DLC1: variants seen among roughly 807,000 people sequenced by gnomAD.
DLC1 encodes the protein rho GTPase-activating protein 7.
DLC1 carries 54 observed loss-of-function variants against 140.3 expected under a neutral mutation model. The ratio of observed to expected loss-of-function variants is 0.38; its 90% CI spans 0.31 to 0.48. DLC1 has a LOEUF of 0.48. Among genes scored for constraint, DLC1 ranks in the 20% least tolerant of loss-of-function variants. The probability of loss-of-function intolerance (pLI) is 0.96; values close to 1 mark genes in which losing one functional copy is unlikely to be tolerated. For missense variants in DLC1, 2,536 were observed against 1,907.0 expected, an observed-to-expected ratio of 1.33 and a Z score of -6.14; for synonymous variants, 986 against 728.1, an observed-to-expected ratio of 1.35 and a Z score of -5.70.
intron 4 of DLC1, among the ~76,000 whole-genome samples, chr8:13,308,915 T>A (rs1436295461): frequency 6.6e-6 from 1 of 152,214 alleles, no homozygotes; most frequent in Non-Finnish European, 1.5e-5. Context: ...GGTCCCATCA[T>A]GTCATATCTA....
intron 1 of DLC1, among the ~76,000 whole-genome samples, chr8:13,574,283 C>G (rs970221602): frequency 6.6e-6 from 1 of 152,092 alleles, no homozygotes; most frequent in South Asian, 2.1e-4. Flanking sequence ...AAATATATTT[C>G]TAGGCAATAC....
chr8:13,136,892 A>T (rs778232078), intron 5 of DLC1, among the ~76,000 whole-genome samples: 8 of 152,086 alleles, frequency 5.3e-5, no homozygotes, highest in Non-Finnish European at 1.2e-4. Context: ...GCTTCTCAAA[A>T]CTTCAGTTTC....
intron 2 of DLC1, among the ~76,000 whole-genome samples, chr8:13,459,085 A>C (rs532278314): frequency 1.1e-4 from 17 of 152,230 alleles, no homozygotes; most frequent in Non-Finnish European, 1.0e-4. Context: ...TTTTTAAATA[A>C]CCTAATGAAC....
At chr8:13,447,987 G>T (rs192922185) in intron 2 of DLC1, among the ~76,000 whole-genome samples, 18 of 152,242 alleles carry the variant, frequency 1.2e-4, no homozygotes, top group Admixed American at 3.3e-4. Flanking sequence ...TCTGTCCACA[G>T]TACAACAAAA....
At chr8:13,360,670 AT>A (rs368329471) in intron 4 of DLC1, among the ~76,000 whole-genome samples, 10,952 of 151,626 alleles carry the variant, frequency 0.072, 500 homozygotes, top group Non-Finnish European at 0.1. Context: ...GCATAGTGTG[AT>A]TTTTTTTTCT....
rs538389298 is a variant in DLC1 at position 13,247,993 on chromosome 8, C to A, written c.1348+57276G>T. ...TAGCTGTAGTTTTACAGCTTGAAACCATGCATCGGCTGTCTACAATGTTTA... is the reference window on the plus strand; with the variant it reads ...TAGCTGTAGTTTTACAGCTTGAAACAATGCATCGGCTGTCTACAATGTTTA... On this transcript the variant is annotated intron_variant, in intron 5 of 17. Transcript: ENST00000276297. 4.6e-5 allele frequency among the ~76,000 whole-genome samples: 7 copies of A among 152,264 alleles called. No individual in the cohort carries two copies. In the East Asian group the frequency reaches 1.3e-3, roughly 29 times the overall value.
chr8:13,391,377 G>T (rs544242068), intron 4 of DLC1, among the ~76,000 whole-genome samples: 1 of 152,032 alleles, frequency 6.6e-6, no homozygotes, highest in Non-Finnish European at 1.5e-5. Context: ...GATACTACTC[G>T]CATCCAATTT....
chr8:13,196,190 A>G (rs1585888702), intron 5 of DLC1, among the ~76,000 whole-genome samples: 1 of 152,160 alleles, frequency 6.6e-6, no homozygotes, highest in Non-Finnish European at 1.5e-5. Flanking sequence ...GAAGGAGAAT[A>G]GGACTGGAGA....
chr8:13,209,227 C>T (rs74986118), intron 5 of DLC1, among the ~76,000 whole-genome samples: 3 of 152,204 alleles, frequency 2.0e-5, no homozygotes, highest in Non-Finnish European at 4.4e-5. Context: ...GACTATCAAC[C>T]TATGTATCCT....
chr8:13,366,674 C>G (rs1024441181), intron 4 of DLC1, among the ~76,000 whole-genome samples: 1 of 152,086 alleles, frequency 6.6e-6, no homozygotes, highest in Non-Finnish European at 1.5e-5. Context: ...AGAAACTTCC[C>G]CTGACTAGGT....
At chr8:13,365,416 A>G (rs1398088188) in intron 4 of DLC1, among the ~76,000 whole-genome samples, 1 of 152,132 alleles carries the variant, frequency 6.6e-6, no homozygotes, top group Non-Finnish European at 1.5e-5. Context: ...ATTCACTTGC[A>G]GATACTATGA....
chr8:13,215,552 C>A (rs576838605), intron 5 of DLC1, among the ~76,000 whole-genome samples: 36 of 152,172 alleles, frequency 2.4e-4, no homozygotes, highest in African/African-American at 3.1e-4. Context: ...CGCCACTGCA[C>A]TCCAGCTTGG....
intron 2 of DLC1, among the ~76,000 whole-genome samples, chr8:13,465,851 A>G (rs1799908777): frequency 6.6e-6 from 1 of 152,090 alleles, no homozygotes; most frequent in Non-Finnish European, 1.5e-5. Context: ...GTGAGAACCA[A>G]TGTCCTGGTT....
At chr8:13,506,453 C>A (rs1367842206) in intron 1 of DLC1, among the ~76,000 whole-genome samples, 1 of 151,088 alleles carries the variant, frequency 6.6e-6, no homozygotes, top group African/African-American at 2.4e-5. Context: ...CTTCTGGTTT[C>A]CCTTAGAGTT....
chr8:13,118,519 C>T (rs1820767736), intron 5 of DLC1, among the ~76,000 whole-genome samples: 1 of 152,134 alleles, frequency 6.6e-6, no homozygotes, highest in Admixed American at 6.6e-5. Context: ...AAAACTTAGG[C>T]TGCATTCAAA....
In DLC1 at chr8:13,209,966, G is replaced by A. The variant is rs1827860473; in HGVS notation, c.1349-94309C>T. Reference sequence around the variant, plus strand: ...AACACACCCTGTAAATGTTAAATATGAGAATGGCAAGTCTAGGCAATAAGC... The same window carrying A: ...AACACACCCTGTAAATGTTAAATATAAGAATGGCAAGTCTAGGCAATAAGC... On this transcript the variant is annotated intron_variant, in intron 5 of 17. Coordinates refer to ENST00000276297, the MANE Select transcript of DLC1 (RefSeq NM_182643.3). Among the ~76,000 whole-genome samples the A allele has an allele frequency of 2.0e-5, 3 of 152,146 alleles. No homozygotes were observed. In the South Asian group the frequency reaches 6.2e-4, roughly 32 times the overall value.
chr8:13,152,850 A>G (rs1398499130), intron 5 of DLC1, among the ~76,000 whole-genome samples: 3 of 137,792 alleles, frequency 2.2e-5, no homozygotes, highest in Admixed American at 1.5e-4. Context: ...GCAACCAACC[A>G]TAACTTGGTC....
At chr8:13,173,502 G>A (rs1362865608) in intron 5 of DLC1, among the ~76,000 whole-genome samples, 1 of 151,348 alleles carries the variant, frequency 6.6e-6, no homozygotes, top group African/African-American at 2.4e-5. Context: ...CTCCCGAGTA[G>A]CTGGGATTAC....
intron 1 of DLC1, among the ~76,000 whole-genome samples, chr8:13,535,370 G>C (rs928915569): frequency 3.3e-5 from 5 of 152,002 alleles, no homozygotes; most frequent in Non-Finnish European, 7.4e-5. Context: ...TAGATCTTGT[G>C]AGACAAGCTT....
Sources: allele counts gnomAD v4.1 joint callset (sites outside exome capture counted in the v4.1 genomes callset), GRCh38; gene constraint gnomAD v4.1.1; transcripts MANE v1.5; gene names NCBI Gene and HGNC (gene_info 2026-07-23, HGNC 2026-07-21).